Variants in SSR1 observed in about 807,000 individuals in gnomAD.
SSR1 encodes signal sequence receptor subunit 1.
In SSR1, 13 loss-of-function variants were observed where a neutral mutation model predicts 36.1. The ratio of observed to expected loss-of-function variants is 0.36; its 90% confidence interval spans 0.23 to 0.57. The LOEUF is 0.57. Ranked by LOEUF, SSR1 falls within the 20% of genes least tolerant of loss-of-function variation. The pLI is 0.81. For synonymous variants in SSR1, 113 were observed against 118.9 expected, an observed-to-expected ratio of 0.95 and a Z score of 0.32; for missense variants, 291 against 338.5, an observed-to-expected ratio of 0.86 and a Z score of 1.10.
chr6:7,292,428 T>A (rs983853288), intron 7 of SSR1, among the ~76,000 whole-genome samples: 14 of 152,352 alleles, frequency 9.2e-5, no homozygotes, highest in African/African-American at 3.4e-4. Flanking sequence ...TTTACTCCTA[T>A]CACCACTGCC....
At chr6:7,304,664 T>A (rs1240695287) in intron 2 of SSR1, among the ~76,000 whole-genome samples, 1 of 152,248 alleles carries the variant, frequency 6.6e-6, no homozygotes, top group Admixed American at 6.5e-5. Flanking sequence ...CAAATTTTTT[T>A]AAAATGTGAA....
chr6:7,299,488 C>A (rs1005411699), intron 4 of SSR1, among the ~76,000 whole-genome samples: 1 of 152,142 alleles, frequency 6.6e-6, no homozygotes, highest in Non-Finnish European at 1.5e-5. Flanking sequence ...CACCTGAGAT[C>A]AGGAGTTCAA....
intron 3 of SSR1, 71 bp from the exon 4 acceptor site, chr6:7,301,643 C>T (rs1300462584): frequency 1.4e-6 from 2 of 1,461,564 alleles, no homozygotes; most frequent in Non-Finnish European, 1.8e-6. Context: ...AAAGGCATTA[C>T]TAATGGATTC....
Position 7,291,050 on chromosome 6 carries a change from CA to C in SSR1, c.794-1120del, listed in dbSNP as rs1308681211. On this transcript the variant is annotated intron_variant, in intron 7 of 7. Transcript: ENST00000244763. ...CAGGCACACACTATCACACCTGGCC[CA>C]GCCAAGAATATTTAAAGACTACACA... is the stretch of plus-strand genomic sequence containing the variant. Among the ~76,000 whole-genome samples, 9 of 152,200 alleles carry C rather than the reference CA, an allele frequency of 5.9e-5. No homozygotes were observed. In the South Asian group the frequency reaches 1.5e-3, roughly 25 times the overall value.
chr6:7,302,710 C>T (rs533924950), intron 3 of SSR1, among the ~76,000 whole-genome samples: 2 of 151,266 alleles, frequency 1.3e-5, no homozygotes, highest in Non-Finnish European at 1.5e-5. Flanking sequence ...TGCAGTGAGC[C>T]GAGATCACAC....
chr6:7,295,517 G>GT (rs1248558823), intron 6 of SSR1, 32 bp from the exon 7 acceptor site: 1 of 1,468,454 alleles, frequency 6.8e-7, no homozygotes, highest in East Asian at 2.3e-5. Context: ...TTTTAAAGGA[G>GT]TTCCGTTACA....
At chr6:7,303,769 TG>T in intron 2 of SSR1, 132 bp from the exon 3 acceptor site, 1 of 599,698 alleles carries the variant, frequency 1.7e-6, no homozygotes, top group Non-Finnish European at 2.9e-6. Context: ...GCAGATCACC[TG>T]AAGTCAGGAG....
chr6:7,312,999 T>C (rs1758242553), intron 1 of SSR1, 43 bp downstream of exon 1: 1 of 1,557,930 alleles, frequency 6.4e-7, no homozygotes, highest in African/African-American at 1.4e-5. Context: ...ATCACTGGCA[T>C]CTCCTTCCTG....
In SSR1 at chr6:7,289,752, A is replaced by C. The variant is rs1757640574; in HGVS notation, c.*112T>G. 1.1e-6 allele frequency: 1 copy of C among 888,026 alleles called. No individual in the cohort carries two copies. Among genetic ancestry groups the C allele is most frequent in the Non-Finnish European group, 1.7e-6 (1 of 579,488 alleles). The allele number at this position is 888,026 out of a possible 1,614,324, so 55.0% of individuals were successfully genotyped here. A position where few individuals can be genotyped will look rare whatever the true frequency, so the allele number is the denominator to read the frequency against. On this transcript the variant is annotated 3_prime_UTR_variant, in exon 8 of 8. Coordinates refer to ENST00000244763, the MANE Select transcript of SSR1 (RefSeq NM_003144.5). ...CAGACTCTGATTGCTCAGTCCACAC[A>C]CAAGTAGGAGTTGCCTTCTATGGTG...
rs1273927440 is a variant in SSR1 at position 7,282,335 on chromosome 6, C to G, written c.*7529G>C. 1 of 151,964 alleles carries G rather than the reference C, an allele frequency of 6.6e-6. No individual in the cohort carries two copies. The highest frequency in any genetic ancestry group is 2.1e-4 in the South Asian group (1 of 4,796). The allele number at this position is 151,964 out of a possible 1,614,324, so 9.4% of individuals were successfully genotyped here. ...CAGGAGGTGTCCAATTAGACGGGCACAAGAGAAAAACAGCCAGAGACCGAG... is the reference window on the plus strand; with the variant it reads ...CAGGAGGTGTCCAATTAGACGGGCAGAAGAGAAAAACAGCCAGAGACCGAG... On this transcript the variant is annotated 3_prime_UTR_variant, in exon 8 of 8. Coordinates refer to ENST00000244763, the MANE Select transcript of SSR1 (RefSeq NM_003144.5).
At chr6:7,298,117 G>C in intron 5 of SSR1, 116 bp from the exon 6 acceptor site, 1 of 721,616 alleles carries the variant, frequency 1.4e-6, no homozygotes, top group South Asian at 2.1e-5. Context: ...TGGCGAAAAG[G>C]AATAAAATGC....
chr6:7,305,499 G>A (rs3778331), intron 2 of SSR1, among the ~76,000 whole-genome samples: 70,594 of 152,042 alleles, frequency 0.46, 16,422 homozygotes, highest in East Asian at 0.57. Context: ...AGAAGCCACC[G>A]GTCTTGGTAA....
intron 2 of SSR1, among the ~76,000 whole-genome samples, chr6:7,307,502 G>A (rs1335788888): frequency 6.6e-6 from 1 of 152,102 alleles, no homozygotes; most frequent in African/African-American, 2.4e-5. Flanking sequence ...GGCTATCAAG[G>A]ATCTAACAGT....
chr6:7,311,938 A>G (rs1004390521), intron 1 of SSR1, among the ~76,000 whole-genome samples: 3 of 152,222 alleles, frequency 2.0e-5, no homozygotes, highest in African/African-American at 7.2e-5. Flanking sequence ...AACGACTCCT[A>G]AAGTAAAAAA....
At chr6:7,298,381 A>T (rs1757849561) in intron 5 of SSR1, among the ~76,000 whole-genome samples, 1 of 152,236 alleles carries the variant, frequency 6.6e-6, no homozygotes, top group Admixed American at 6.5e-5. Context: ...ATTCAGAAAG[A>T]ACACTTACAT....
In SSR1 at chr6:7,284,727, T is replaced by C. The variant is rs1221317398; in HGVS notation, c.*5137A>G. 6 of 151,974 alleles carry C rather than the reference T, an allele frequency of 3.9e-5. No individual in the cohort carries two copies. The highest frequency in any genetic ancestry group is 5.9e-5 in the Non-Finnish European group (4 of 67,996). 9.4% of individuals were successfully genotyped at this position (151,974 alleles called of 1,614,324 possible). A position where few individuals can be genotyped will look rare whatever the true frequency, so the allele number is the denominator to read the frequency against. On this transcript the variant is annotated 3_prime_UTR_variant, in exon 8 of 8. Coordinates refer to ENST00000244763, the MANE Select transcript of SSR1 (RefSeq NM_003144.5). ...ACATGAGCGTTTCCTTTTTTTTTTT[T>C]TCTCTTTTGCTAAGTAAAAAGTAGG...
At chr6:7,300,705 C>T (rs1757914087) in intron 4 of SSR1, among the ~76,000 whole-genome samples, 1 of 152,080 alleles carries the variant, frequency 6.6e-6, no homozygotes, top group Non-Finnish European at 1.5e-5. Flanking sequence ...TACAATGGTG[C>T]GATCTCAGCT....
At chr6:7,300,809 A>C (rs1757917304) in intron 4 of SSR1, among the ~76,000 whole-genome samples, 1 of 151,992 alleles carries the variant, frequency 6.6e-6, no homozygotes, top group African/African-American at 2.4e-5. Flanking sequence ...TGCCCAGCTA[A>C]TTTTTGTATT....
chr6:7,295,048 A>G lies in SSR1; in HGVS notation c.793+344T>C, dbSNP rs763990274. On this transcript the variant is annotated intron_variant, in intron 7 of 7. Coordinates refer to ENST00000244763, the MANE Select transcript of SSR1 (RefSeq NM_003144.5). Reference sequence around the variant, plus strand: ...TTTACGTGCTATTTGAGAGCCCCCAATTCTCTAGCAAAAACCATTAAAAAA... The same window carrying G: ...TTTACGTGCTATTTGAGAGCCCCCAGTTCTCTAGCAAAAACCATTAAAAAA... The G allele has an allele frequency of 1.1e-5, 16 of 1,487,138 alleles. 2 individuals are homozygous for G. The highest frequency in any genetic ancestry group is 3.4e-4 in the Middle Eastern group (2 of 5,840). 92.1% of individuals were successfully genotyped at this position (1,487,138 alleles called of 1,614,324 possible). A position where few individuals can be genotyped will look rare whatever the true frequency, so the allele number is the denominator to read the frequency against.
Sources: gnomAD v4.1 joint callset for allele counts (sites outside exome capture counted in the v4.1 genomes callset) on GRCh38, gnomAD v4.1.1 for gene constraint, MANE v1.5 for transcripts, NCBI Gene and HGNC (gene_info 2026-07-23, HGNC 2026-07-21) for gene names.